Variants in DCLK2 observed in about 807,000 individuals in gnomAD.
The protein encoded by DCLK2 is serine/threonine-protein kinase DCLK2.
A neutral mutation model predicts 78.4 loss-of-function variants in DCLK2; 31 were observed. The ratio of observed to expected loss-of-function variants is 0.40; its 90% CI spans 0.30 to 0.53. DCLK2 has a LOEUF of 0.53. DCLK2 is among the 20% of genes least tolerant of loss of function. DCLK2 has a pLI of 0.61. For missense variants in DCLK2, 872 were observed against 973.7 expected (o/e 0.90, Z 1.39); for synonymous variants, 407 against 374.9 (o/e 1.09, Z -0.99).
At chr4:150,083,334 T>A (rs915089845) in intron 1 of DCLK2, among the ~76,000 whole-genome samples, 5 of 152,222 alleles carry the variant, frequency 3.3e-5, no homozygotes, top group Admixed American at 1.3e-4. Context: ...TCATAAACAA[T>A]AAGCTGATTG....
rs1222253463 is a variant in DCLK2 at position 150,248,286 on chromosome 4, C to T, written c.1876-19C>T. The stretch of plus-strand genomic sequence containing the variant: ...TCCTTTCTCCTCCTCTGTGGTCTGA[C>T]TTGTTTGTTTATTTGTAGGAATTAA... On this transcript the variant is annotated intron_variant, in intron 13 of 15. Coordinates refer to ENST00000296550, the MANE Select transcript of DCLK2 (RefSeq NM_001040260.4). 2 of 1,609,286 alleles carry T rather than the reference C, an allele frequency of 1.2e-6. No homozygotes were observed. Among genetic ancestry groups the T allele is most frequent in the Non-Finnish European group, 1.7e-6 (2 of 1,175,884 alleles).
intron 2 of DCLK2, among the ~76,000 whole-genome samples, chr4:150,164,963 A>G (rs1314993904): frequency 6.6e-6 from 1 of 152,146 alleles, no homozygotes; most frequent in Non-Finnish European, 1.5e-5. Context: ...TCTCCTTTTA[A>G]AGATTTTGAG....
In DCLK2 at chr4:150,175,157, T is replaced by TTATAATTTATATATATTTATATA. The variant is rs1222570274; in HGVS notation, c.757-17977_757-17955dup. Reference sequence around the variant, plus strand: ...TAATTTATGTATATTTTATATATATTTATAATTTATATATATTTATATATA... The same window carrying TTATAATTTATATATATTTATATA: ...TAATTTATGTATATTTTATATATATTTATAATTTATATATATTTATATATATAATTTATATATATTTATATATA... On this transcript the variant is annotated intron_variant, in intron 2 of 15. Coordinates refer to ENST00000296550, the MANE Select transcript of DCLK2 (RefSeq NM_001040260.4). Among the ~76,000 whole-genome samples, 59 of 135,308 alleles carry TTATAATTTATATATATTTATATA rather than the reference T, an allele frequency of 4.4e-4. 8 individuals carry two copies. The highest frequency in any genetic ancestry group is 1.6e-3 in the African/African-American group (58 of 35,876). The allele number at this position is 135,308 out of a possible 152,430, so 88.8% of individuals were successfully genotyped here. A position where few individuals can be genotyped will look rare whatever the true frequency, so the allele number is the denominator to read the frequency against.
chr4:150,253,354 G>C lies in DCLK2; in HGVS notation c.2074-2666G>C, dbSNP rs1470094681. 6 of 1,061,092 alleles carry C rather than the reference G, an allele frequency of 5.7e-6. No homozygotes were observed. In the East Asian group the frequency reaches 2.6e-4, roughly 47 times the overall value. 65.7% of individuals were successfully genotyped at this position (1,061,092 alleles called of 1,614,324 possible). A position where few individuals can be genotyped will look rare whatever the true frequency, so the allele number is the denominator to read the frequency against. The stretch of plus-strand genomic sequence containing the variant: ...GACCTTCCCATCTGCTGTCACCCTA[G>C]TGTTCTCATCCCCAGAGCTGGGGCC... On this transcript the variant is annotated intron_variant, in intron 15 of 15. Transcript: ENST00000296550.
intron 5 of DCLK2, among the ~76,000 whole-genome samples, chr4:150,208,195 G>A (rs778662083): frequency 1.1e-4 from 17 of 152,196 alleles, no homozygotes; most frequent in Non-Finnish European, 2.1e-4. Flanking sequence ...GTTGGGCCTA[G>A]TCAAGCAGAG....
At chr4:150,230,096 C>T (rs1440318303) in intron 8 of DCLK2, among the ~76,000 whole-genome samples, 1 of 152,156 alleles carries the variant, frequency 6.6e-6, no homozygotes, top group Admixed American at 6.5e-5. Context: ...CTAACAGCTC[C>T]CATGTTTTAA....
intron 2 of DCLK2, among the ~76,000 whole-genome samples, chr4:150,161,324 G>C (rs1735693773): frequency 6.6e-6 from 1 of 152,092 alleles, no homozygotes; most frequent in East Asian, 1.9e-4. Context: ...AAAATAAATG[G>C]ATACTGGTGA....
intron 2 of DCLK2, among the ~76,000 whole-genome samples, chr4:150,116,463 T>G (rs552718749): frequency 6.6e-6 from 1 of 152,290 alleles, no homozygotes; most frequent in Admixed American, 6.5e-5. Flanking sequence ...TTTTGTCCCA[T>G]GTGATGTGTC....
At chr4:150,120,953 C>G (rs1183774325) in intron 2 of DCLK2, among the ~76,000 whole-genome samples, 4 of 152,072 alleles carry the variant, frequency 2.6e-5, no homozygotes, top group Non-Finnish European at 5.9e-5. Context: ...CACCTGTAAT[C>G]CCAGCTACTT....
intron 2 of DCLK2, among the ~76,000 whole-genome samples, chr4:150,137,812 T>G (rs1199097779): frequency 1.3e-5 from 2 of 152,212 alleles, no homozygotes; most frequent in African/African-American, 4.8e-5. Context: ...TTTGGAAAAT[T>G]ATTCATAAAA....
At chr4:150,079,708 A>G (rs1345420985) in intron 1 of DCLK2, among the ~76,000 whole-genome samples, 1 of 148,154 alleles carries the variant, frequency 6.7e-6, no homozygotes, top group African/African-American at 2.4e-5. Flanking sequence ...CACTGGTGGC[A>G]TCTCCTAAGA....
intron 3 of DCLK2, 149 bp from the exon 4 acceptor site, chr4:150,197,853 T>C: frequency 1.8e-6 from 1 of 558,176 alleles, no homozygotes; most frequent in Non-Finnish European, 3.0e-6. Context: ...TCAGGTGTAC[T>C]TTTGGGACAA....
In DCLK2 at chr4:150,078,921, G is replaced by C. The variant is rs564613650; in HGVS notation, c.-107G>C. The C allele has an allele frequency of 1.5e-6, 2 of 1,352,416 alleles. No individual in the cohort carries two copies. The highest frequency in any genetic ancestry group is 5.7e-5 in the East Asian group (2 of 35,050). The allele number at this position is 1,352,416 out of a possible 1,614,324, so 83.8% of individuals were successfully genotyped here. A position where few individuals can be genotyped will look rare whatever the true frequency, so the allele number is the denominator to read the frequency against. ...GGAGAGGGCGGGATGCCAGAGCCAG[G>C]TGTCCCGGCGCGTTAAGGGCCCTCG... On this transcript the variant is annotated 5_prime_UTR_variant, in exon 1 of 16. Transcript: ENST00000296550.
chr4:150,146,315 C>A (rs1255590498), intron 2 of DCLK2, among the ~76,000 whole-genome samples: 1 of 152,210 alleles, frequency 6.6e-6, no homozygotes, highest in Non-Finnish European at 1.5e-5. Context: ...GGTTCAACTT[C>A]AGCTCTCTTG....
At chr4:150,167,795 T>A (rs1188067079) in intron 2 of DCLK2, among the ~76,000 whole-genome samples, 2 of 152,170 alleles carry the variant, frequency 1.3e-5, no homozygotes, top group African/African-American at 4.8e-5. Flanking sequence ...TCTCGGAAGC[T>A]GGGCGAGTGG....
At chr4:150,129,354 A>G (rs971221467) in intron 2 of DCLK2, among the ~76,000 whole-genome samples, 1 of 152,184 alleles carries the variant, frequency 6.6e-6, no homozygotes, top group Non-Finnish European at 1.5e-5. Context: ...GTTTATTGAC[A>G]TAAGTGAAAA....
intron 2 of DCLK2, among the ~76,000 whole-genome samples, chr4:150,141,469 GT>G (rs1371826247): frequency 3.3e-5 from 5 of 152,190 alleles, no homozygotes. Context: ...AGCACTTAAA[GT>G]TTTGGTTCTT....
Position 150,102,696 on chromosome 4 carries a change from A to G in DCLK2, c.640A>G (p.Ile214Val), listed in dbSNP as rs760243978. 2.5e-6 allele frequency: 4 copies of G among 1,614,094 alleles called. No individual in the cohort carries two copies. Among genetic ancestry groups the G allele is most frequent in the Non-Finnish European group, 3.4e-6 (4 of 1,180,000 alleles). Residue 214 changes from isoleucine to valine, a missense_variant, in exon 2 of 16, where the codon ATC becomes GTC. Transcript: ENST00000296550. ...AGTGAAGCCTAGAAAAGCCGTGCGG[A>G]TCCTTCTGAATAAAAAGACTGCTCA... ...SGVKPRKAVR[I>V]LLNKKTAHSF...
chr4:150,250,801 G>C (rs1282002945), intron 15 of DCLK2, among the ~76,000 whole-genome samples: 5 of 150,606 alleles, frequency 3.3e-5, no homozygotes, highest in African/African-American at 1.2e-4. Flanking sequence ...GCCTTACCTA[G>C]GAAGACGCAG....
Sources: allele counts gnomAD v4.1 joint callset (sites outside exome capture counted in the v4.1 genomes callset), GRCh38; gene constraint gnomAD v4.1.1; transcripts MANE v1.5; gene names NCBI Gene and HGNC (gene_info 2026-07-23, HGNC 2026-07-21).